The following IPO7 variants were observed in gnomAD, a reference collection of about 807,000 sequenced individuals.
The protein encoded by IPO7 is importin 7, also known as importin-7.
IPO7 carries 13 observed loss-of-function variants against 136.4 expected under a neutral mutation model. The ratio of observed to expected loss-of-function variants is 0.10; its 90% CI spans 0.06 to 0.15. IPO7 has a LOEUF of 0.15. Ranked by LOEUF, IPO7 falls within the 10% of genes least tolerant of loss-of-function variation. The pLI, the probability that IPO7 is intolerant of heterozygous loss-of-function variation, is 1.00. For missense variants in IPO7, 857 were observed against 1,240.6 expected, an observed-to-expected ratio of 0.69 and a Z score of 4.65; for synonymous variants, 403 against 404.4, an observed-to-expected ratio of 1.00 and a Z score of 0.04.
intron 4 of IPO7, among the ~76,000 whole-genome samples, chr11:9,412,584 G>A (rs1854981697): frequency 6.6e-6 from 1 of 152,168 alleles, no homozygotes; most frequent in Non-Finnish European, 1.5e-5. Context: ...GGGAAGCTGA[G>A]GCAGGCGAAT....
chr11:9,386,254 G>A (rs1356394860), intron 1 of IPO7, among the ~76,000 whole-genome samples: 2 of 152,166 alleles, frequency 1.3e-5, no homozygotes, highest in Non-Finnish European at 2.9e-5. Context: ...ACCACACAAA[G>A]TGATGATTAC....
At chr11:9,394,361 T>C (rs1854680188) in intron 1 of IPO7, among the ~76,000 whole-genome samples, 1 of 140,708 alleles carries the variant, frequency 7.1e-6, no homozygotes, top group Admixed American at 7.6e-5. Flanking sequence ...TTTTTTAAAG[T>C]TGAGCTTATT....
At chr11:9,407,262 T>C (rs1470598975) in intron 2 of IPO7, among the ~76,000 whole-genome samples, 2 of 152,102 alleles carry the variant, frequency 1.3e-5, no homozygotes, top group Non-Finnish European at 2.9e-5. Context: ...TTCTTTATTG[T>C]AGGTGTAGTT....
At chr11:9,422,565 A>C (rs1855148948) in intron 8 of IPO7, among the ~76,000 whole-genome samples, 1 of 152,190 alleles carries the variant, frequency 6.6e-6, no homozygotes, top group Non-Finnish European at 1.5e-5. Context: ...GACAGATGCT[A>C]AATAGGCAGT....
chr11:9,440,555 G>C lies in IPO7; in HGVS notation c.2796G>C (p.Trp932Cys). 1.2e-6 allele frequency: 2 copies of C among 1,613,976 alleles called. No individual in the cohort carries two copies. Among genetic ancestry groups the C allele is most frequent in the South Asian group, 1.1e-5 (1 of 91,076 alleles). Residue 932 changes from tryptophan (W) to cysteine (C), a missense_variant, in exon 23 of 25, where the codon TGG becomes TGC. By Grantham distance (215) the Trp-to-Cys change is radical. Coordinates refer to ENST00000379719, the MANE Select transcript of IPO7 (RefSeq NM_006391.3). ...QAGEDGDDED[W>C]EEDDAEETAL... The stretch of plus-strand genomic sequence containing the variant: ...GTGAAGATGGAGATGATGAAGATTG[G>C]GAAGAAGATGATGCTGAAGAGACTG...
chr11:9,438,230 A>G lies in IPO7; in HGVS notation c.2640A>G (p.Ala880=). The change falls in exon 22 of 25, where the codon GCA becomes GCG. Residue 880 remains alanine, a synonymous_variant. Coordinates refer to ENST00000379719, the MANE Select transcript of IPO7 (RefSeq NM_006391.3). Reference sequence around the variant, plus strand: ...TGAAAAGAGCATATGCCTGCCATGCAGAACATGAGAATGACAGTGATGATG... The same window carrying G: ...TGAAAAGAGCATATGCCTGCCATGCGGAACATGAGAATGACAGTGATGATG... The part of the protein sequence containing the change: ...NGLKRAYACH[A]EHENDSDDDD... The G allele has an allele frequency of 3.1e-6, 5 of 1,610,974 alleles. No individual in the cohort carries two copies. Among genetic ancestry groups the G allele is most frequent in the Non-Finnish European group, 4.2e-6 (5 of 1,177,660 alleles).
Position 9,428,611 on chromosome 11 carries a change from A to C in IPO7, c.1407A>C (p.Leu469=), listed in dbSNP as rs1855246630. ...TATTCCCTCTCTTCAGCAGTGAACT[A>C]GGCTACATGAGAGCAAGGGTATGTT... is the stretch of plus-strand genomic sequence containing the variant. ...NHVFPLFSSE[L]GYMRARACWV... The change falls in exon 13 of 25, where the codon CTA becomes CTC. Residue 469 remains leucine (L), a synonymous_variant. Coordinates refer to ENST00000379719, the MANE Select transcript of IPO7 (RefSeq NM_006391.3). 6.4e-7 allele frequency: 1 copy of C among 1,561,332 alleles called. No homozygotes were observed. The highest frequency in any genetic ancestry group is 8.8e-7 in the Non-Finnish European group (1 of 1,134,632).
chr11:9,400,725 TA>T (rs1216853671), intron 1 of IPO7, among the ~76,000 whole-genome samples: 1 of 152,076 alleles, frequency 6.6e-6, no homozygotes, highest in East Asian at 1.9e-4. Flanking sequence ...CCCGGCCTAC[TA>T]AATAAGTAAT....
At chr11:9,417,538 T>TA (rs1272055113) in intron 6 of IPO7, among the ~76,000 whole-genome samples, 1 of 152,128 alleles carries the variant, frequency 6.6e-6, no homozygotes, top group Non-Finnish European at 1.5e-5. Context: ...CTTTTGTAGT[T>TA]ATGTTATTTT....
intron 2 of IPO7, among the ~76,000 whole-genome samples, chr11:9,403,863 T>A (rs1854835612): frequency 6.6e-6 from 1 of 152,318 alleles, no homozygotes; most frequent in Non-Finnish European, 1.5e-5. Context: ...TGTACATTTT[T>A]AATTTTTTTT....
chr11:9,408,671 A>G, intron 3 of IPO7, 32 bp downstream of exon 3: 1 of 1,110,092 alleles, frequency 9.0e-7, no homozygotes, highest in Non-Finnish European at 1.2e-6. Flanking sequence ...CCATTTCTGC[A>G]GGTGTGTAAC....
At chr11:9,417,393 C>T (rs1428690648) in intron 6 of IPO7, among the ~76,000 whole-genome samples, 1 of 151,722 alleles carries the variant, frequency 6.6e-6, no homozygotes, top group East Asian at 1.9e-4. Context: ...TTCTGTTGTC[C>T]TTTTGTTTCA....
At chr11:9,390,087 C>T (rs1055887953) in intron 1 of IPO7, among the ~76,000 whole-genome samples, 1 of 152,040 alleles carries the variant, frequency 6.6e-6, no homozygotes, top group Non-Finnish European at 1.5e-5. Context: ...GACGGGGTTT[C>T]GCCATGTTGG....
At chr11:9,401,887 CATT>C (rs1275603706) in intron 1 of IPO7, among the ~76,000 whole-genome samples, 1 of 152,164 alleles carries the variant, frequency 6.6e-6, no homozygotes, top group Non-Finnish European at 1.5e-5. Flanking sequence ...CAAGAAATAA[CATT>C]ATTACCACCT....
intron 1 of IPO7, among the ~76,000 whole-genome samples, chr11:9,388,466 T>C (rs867718937): frequency 2.6e-5 from 4 of 151,148 alleles, no homozygotes; most frequent in African/African-American, 9.7e-5. Flanking sequence ...TGAGCCACCA[T>C]GCCCAGCCTA....
At chr11:9,392,112 T>G (rs969703636) in intron 1 of IPO7, 21 of 337,680 alleles carry the variant, frequency 6.2e-5, no homozygotes, top group Non-Finnish European at 1.0e-4. Context: ...TGACTTAACC[T>G]CACTATGCCT....
chr11:9,410,995 T>C (rs1854961073), intron 4 of IPO7, among the ~76,000 whole-genome samples: 1 of 152,204 alleles, frequency 6.6e-6, no homozygotes, highest in African/African-American at 2.4e-5. Context: ...GAGAGAAATA[T>C]ACCATTTACA....
intron 20 of IPO7, 68 bp downstream of exon 20, chr11:9,436,434 T>C (rs950906372): frequency 9.0e-7 from 1 of 1,116,256 alleles, no homozygotes; most frequent in Non-Finnish European, 1.3e-6. Flanking sequence ...CTTTCTTCAT[T>C]TTTTGGCATT....
At chr11:9,390,556 CA>C (rs1357957790) in intron 1 of IPO7, among the ~76,000 whole-genome samples, 1 of 152,034 alleles carries the variant, frequency 6.6e-6, no homozygotes, top group East Asian at 1.9e-4. Context: ...ATTCCTTCAC[CA>C]GGAATATTTT....
Sources: gnomAD v4.1 joint callset for allele counts (sites outside exome capture counted in the v4.1 genomes callset) on GRCh38, gnomAD v4.1.1 for gene constraint, MANE v1.5 for transcripts, NCBI Gene and HGNC (gene_info 2026-07-23, HGNC 2026-07-21) for gene names.